The following PPP1R2 variants were observed in gnomAD, a reference collection of about 807,000 sequenced individuals.
The protein encoded by PPP1R2 is protein phosphatase 1 regulatory inhibitor subunit 2.
Under a neutral mutation model 29.9 loss-of-function variants are expected in PPP1R2, and 16 were observed. That is an observed-to-expected ratio of 0.53 (90% CI 0.36 to 0.81). The LOEUF is 0.81. Ranked by LOEUF, PPP1R2 falls within the 30% of genes least tolerant of loss-of-function variation. The pLI is 0.00. For synonymous variants in PPP1R2, 76 were observed against 91.5 expected, an observed-to-expected ratio of 0.83 and a Z score of 0.96; for missense variants, 197 against 252.7, an observed-to-expected ratio of 0.78 and a Z score of 1.49.
chr3:195,533,389 G>GT lies in PPP1R2; in HGVS notation c.123-3489dup, dbSNP rs1226299944. 5.3e-5 allele frequency among the ~76,000 whole-genome samples: 8 copies of GT among 151,668 alleles called. No homozygotes were observed. The South Asian group carries it at 1.3e-3, about 24-fold the overall frequency. On this transcript the variant is annotated intron_variant, in intron 1 of 5. Coordinates refer to ENST00000618156, the MANE Select transcript of PPP1R2 (RefSeq NM_006241.8). ...GCTCTATGATGCTAGTTGTTTCAGT[G>GT]TGAGTAGTTTGTTGCTCCAGTAAAT...
At chr3:195,537,468 C>T (rs1719433742) in intron 1 of PPP1R2, among the ~76,000 whole-genome samples, 1 of 56,722 alleles carries the variant, frequency 1.8e-5, no homozygotes, top group African/African-American at 7.0e-5. Flanking sequence ...CAAACCATTG[C>T]TAGGATTAGC....
In PPP1R2 at chr3:195,542,884, C is replaced by A; in HGVS notation, c.122+20G>T. On this transcript the variant is annotated intron_variant, in intron 1 of 5. Coordinates refer to ENST00000618156, the MANE Select transcript of PPP1R2 (RefSeq NM_006241.8). ...CCGGCGGGAAGGAGGGGCTCCCAGG[C>A]CGTCCCTCCCAGCGCTCACCTCAGC... is the stretch of plus-strand genomic sequence containing the variant. 6.3e-7 allele frequency: 1 copy of A among 1,589,146 alleles called. No individual in the cohort carries two copies.
chr3:195,519,733 AC>A (rs1311637100), intron 4 of PPP1R2: 1 of 152,140 alleles, frequency 6.6e-6, no homozygotes, highest in African/African-American at 2.4e-5. Flanking sequence ...TAAAAACGTA[AC>A]CTCATTTTCA....
chr3:195,528,010 T>A, intron 2 of PPP1R2: 1 of 299,470 alleles, frequency 3.3e-6, no homozygotes, highest in Non-Finnish European at 6.5e-6. Context: ...TATTTTTACT[T>A]CAATAGGTTT....
In PPP1R2 at chr3:195,542,977, T is replaced by G. The variant is rs1458136750; in HGVS notation, c.49A>C (p.Asn17His). The change falls in exon 1 of 6, where the codon AAC (asparagine) becomes CAC (histidine). Residue 17 changes from asparagine to histidine, a missense_variant. Asn to His is a moderately conservative substitution (Grantham distance 68). Coordinates refer to ENST00000618156, the MANE Select transcript of PPP1R2 (RefSeq NM_006241.8). The stretch of plus-strand genomic sequence containing the variant: ...ATAGAGGAAGTCGTAGAGGTCTTGT[T>G]CTTCAAGATCCCCTTGATGGGCCGG... ...SHRPIKGILK[N>H]KTSTTSSMVA... 6.2e-7 allele frequency: 1 copy of G among 1,602,656 alleles called. No individual in the cohort carries two copies. The highest frequency in any genetic ancestry group is 2.2e-5 in the East Asian group (1 of 44,452).
chr3:195,528,614 G>A lies in PPP1R2; in HGVS notation c.230+1180C>T, dbSNP rs370226082. ...TACCTCTATTTTAATGGTAACTTTT[G>A]GATTTATGCTGTCTTAATTCAATGA... On this transcript the variant is annotated intron_variant, in intron 2 of 5. Coordinates refer to ENST00000618156, the MANE Select transcript of PPP1R2 (RefSeq NM_006241.8). 7.6e-5 allele frequency: 11 copies of A among 144,790 alleles called. No individual in the cohort carries two copies. The East Asian group carries it at 8.4e-4, about 11-fold the overall frequency. The allele number at this position is 144,790 out of a possible 1,614,324, so 9.0% of individuals were successfully genotyped here.
At position 195,518,981 on chromosome 3, in the gene PPP1R2, T is replaced by C. The variant is rs761363960; in HGVS notation, c.571+37A>G. ...AGTACATTATCTTAGGCATAGACCA[T>C]TACAAAAGTCTCAGTGACATTTTCC... is the stretch of plus-strand genomic sequence containing the variant. On this transcript the variant is annotated intron_variant, in intron 5 of 5. Coordinates refer to ENST00000618156, the MANE Select transcript of PPP1R2 (RefSeq NM_006241.8). The C allele has an allele frequency of 3.1e-6, 5 of 1,608,528 alleles. No individual in the cohort carries two copies. The East Asian group carries it at 1.1e-4, about 36-fold the overall frequency.
chr3:195,514,974 CT>C lies in PPP1R2; in HGVS notation c.*1921del. On this transcript the variant is annotated 3_prime_UTR_variant, in exon 6 of 6. Transcript: ENST00000618156. ...ACAAAAAGAATCAACTGTTTAAAGTCTTATCCTTTTCTTCACTCTATGACAG... is the reference window on the plus strand; with the variant it reads ...ACAAAAAGAATCAACTGTTTAAAGTCTATCCTTTTCTTCACTCTATGACAG... 1 of 195,532 alleles carries C rather than the reference CT, an allele frequency of 5.1e-6. No homozygotes were observed. Among genetic ancestry groups the C allele is most frequent in the Non-Finnish European group, 1.1e-5 (1 of 88,182 alleles). The allele number at this position is 195,532 out of a possible 1,614,324, so 12.1% of individuals were successfully genotyped here.
At chr3:195,537,418 T>A (rs1043756060) in intron 1 of PPP1R2, among the ~76,000 whole-genome samples, 29 of 151,202 alleles carry the variant, frequency 1.9e-4, no homozygotes, top group African/African-American at 5.6e-4. Flanking sequence ...GATTTTTTTT[T>A]AAAAAAAGAG....
chr3:195,519,615 T>C (rs1169799795), intron 4 of PPP1R2: 1 of 152,448 alleles, frequency 6.6e-6, no homozygotes, highest in African/African-American at 2.4e-5. Flanking sequence ...CAAGGAACAA[T>C]GAAGTAGTTT....
chr3:195,519,271 G>T, intron 4 of PPP1R2, 86 bp from the exon 5 acceptor site: 1 of 1,007,380 alleles, frequency 9.9e-7, no homozygotes, highest in Non-Finnish European at 1.4e-6. Flanking sequence ...TATTGAAACA[G>T]TGATGCTCAT....
chr3:195,518,706 A>G (rs1260744876), intron 5 of PPP1R2, among the ~76,000 whole-genome samples: 1 of 152,212 alleles, frequency 6.6e-6, no homozygotes, highest in Non-Finnish European at 1.5e-5. Context: ...GTTATGACAA[A>G]TACAACATGA....
At chr3:195,534,275 C>G (rs1719291782) in intron 1 of PPP1R2, among the ~76,000 whole-genome samples, 1 of 152,108 alleles carries the variant, frequency 6.6e-6, no homozygotes, top group African/African-American at 2.4e-5. Context: ...AGTGAGCCAT[C>G]TGCAATCGAG....
chr3:195,535,104 G>T (rs188631219), intron 1 of PPP1R2, among the ~76,000 whole-genome samples: 1 of 152,166 alleles, frequency 6.6e-6, no homozygotes, highest in South Asian at 2.1e-4. Context: ...CAACTTTTGC[G>T]TGGTGTGGGG....
intron 1 of PPP1R2, among the ~76,000 whole-genome samples, chr3:195,531,223 A>C (rs1277944518): frequency 6.6e-6 from 1 of 152,192 alleles, no homozygotes. Context: ...AAATGCTTAC[A>C]TACTCCTTAA....
chr3:195,524,729 C>T, intron 3 of PPP1R2, 90 bp downstream of exon 3: 1 of 1,221,514 alleles, frequency 8.2e-7, no homozygotes, highest in Non-Finnish European at 1.2e-6. Context: ...TTTCTTCCCG[C>T]TCATACAGGG....
intron 1 of PPP1R2, among the ~76,000 whole-genome samples, chr3:195,538,697 T>C (rs2108955080): frequency 6.6e-6 from 1 of 152,270 alleles, no homozygotes. Context: ...GAATTTGAAT[T>C]GAACAGAATA....
intron 1 of PPP1R2, among the ~76,000 whole-genome samples, chr3:195,530,979 C>T (rs908147667): frequency 1.3e-5 from 2 of 151,844 alleles, no homozygotes; most frequent in Non-Finnish European, 2.9e-5. Flanking sequence ...TCTGCCACCA[C>T]ACCTGGCTAA....
At chr3:195,527,385 G>A (rs1719010846) in intron 2 of PPP1R2, among the ~76,000 whole-genome samples, 1 of 152,068 alleles carries the variant, frequency 6.6e-6, no homozygotes, top group Non-Finnish European at 1.5e-5. Flanking sequence ...GAGACATGGA[G>A]CTTGCAGTGA....
Sources: gnomAD v4.1 joint callset for allele counts (sites outside exome capture counted in the v4.1 genomes callset) on GRCh38, gnomAD v4.1.1 for gene constraint, MANE v1.5 for transcripts, NCBI Gene and HGNC (gene_info 2026-07-23, HGNC 2026-07-21) for gene names.